SLC24A2: variants seen among roughly 807,000 people sequenced by gnomAD.
SLC24A2 encodes solute carrier family 24 member 2.
A neutral mutation model predicts 62.0 loss-of-function variants in SLC24A2; 36 were observed. The observed-to-expected ratio is 0.58, with a 90% CI of 0.44 to 0.77. The LOEUF is 0.77. SLC24A2 is among the 30% of genes least tolerant of loss of function. The probability of loss-of-function intolerance (pLI) is 0.00; values close to 1 mark genes in which losing one functional copy is unlikely to be tolerated. For missense variants in SLC24A2, 846 were observed against 817.9 expected (o/e 1.03, Z -0.42); for synonymous variants, 358 against 294.0 (o/e 1.22, Z -2.23).
chr9:20,096,391 C>G, the SLC24A2 span, among the ~76,000 whole-genome samples: 1 of 152,128 alleles, frequency 6.6e-6, no homozygotes, highest in Non-Finnish European at 1.5e-5. Flanking sequence ...TATAGGGACA[C>G]TAATTATCCA....
At chr9:20,204,675 T>C in the SLC24A2 span, among the ~76,000 whole-genome samples, 1 of 151,302 alleles carries the variant, frequency 6.6e-6, no homozygotes, top group Non-Finnish European at 1.5e-5. Flanking sequence ...ATACTTACAA[T>C]GAAACAAATA....
intron 4 of SLC24A2, among the ~76,000 whole-genome samples, chr9:19,601,412 T>C (rs148419913): frequency 6.6e-6 from 1 of 152,276 alleles, no homozygotes; most frequent in Non-Finnish European, 1.5e-5. Flanking sequence ...TCCCCTTCCT[T>C]GCTGTGGAAG....
chr9:19,925,292 G>T, the SLC24A2 span, among the ~76,000 whole-genome samples: 1 of 152,170 alleles, frequency 6.6e-6, no homozygotes, highest in Non-Finnish European at 1.5e-5. Context: ...CTGCTGCTTA[G>T]ATCTACAAAT....
the SLC24A2 span, among the ~76,000 whole-genome samples, chr9:20,258,847 A>AATG: frequency 0.13 from 18,846 of 141,594 alleles, 1,469 homozygotes; most frequent in South Asian, 0.17. Flanking sequence ...CTATCTATCT[A>AATG]TCTATCTAAT....
chr9:20,213,880 G>C, the SLC24A2 span, among the ~76,000 whole-genome samples: 1 of 152,162 alleles, frequency 6.6e-6, no homozygotes, highest in Non-Finnish European at 1.5e-5. Flanking sequence ...TGTAAGATAG[G>C]TATTATGATC....
Position 19,510,459 on chromosome 9 carries a change from A to G in SLC24A2, c.*5694T>C, listed in dbSNP as rs1321638660. 1 of 138,352 alleles carries G rather than the reference A, an allele frequency of 7.2e-6. No individual in the cohort carries two copies. Among genetic ancestry groups the G allele is most frequent in the African/African-American group, 2.7e-5 (1 of 36,578 alleles). 8.6% of individuals were successfully genotyped at this position (138,352 alleles called of 1,614,324 possible). A position where few individuals can be genotyped will look rare whatever the true frequency, so the allele number is the denominator to read the frequency against. On this transcript the variant is annotated 3_prime_UTR_variant, in exon 11 of 11. Coordinates refer to ENST00000341998, the MANE Select transcript of SLC24A2 (RefSeq NM_020344.4). ...CCAAAAAAAAAAAAAAAAAAAAAAA[A>G]AGTTAAGTCATTAAGTGGATGGGTT...
At chr9:19,577,092 T>G in intron 5 of SLC24A2, 70 bp from the exon 6 acceptor site, 1 of 1,205,658 alleles carries the variant, frequency 8.3e-7, no homozygotes, top group Non-Finnish European at 1.2e-6. Flanking sequence ...CAAGCAGGTA[T>G]GTGGCCTCCT....
chr9:19,698,845 C>G (rs1359985884), intron 2 of SLC24A2, among the ~76,000 whole-genome samples: 2 of 152,204 alleles, frequency 1.3e-5, no homozygotes, highest in Non-Finnish European at 2.9e-5. Context: ...TACCACTGCT[C>G]TAGCACTTTG....
chr9:20,260,568 T>C, the SLC24A2 span, among the ~76,000 whole-genome samples: 1 of 152,230 alleles, frequency 6.6e-6, no homozygotes, highest in African/African-American at 2.4e-5. Flanking sequence ...ATTAAAACAC[T>C]GTCTTAGTTC....
chr9:20,200,944 T>A, the SLC24A2 span, among the ~76,000 whole-genome samples: 6 of 152,322 alleles, frequency 3.9e-5, no homozygotes, highest in East Asian at 9.6e-4. Flanking sequence ...TTGAGAACAG[T>A]TCTCTAAAAC....
the SLC24A2 span, among the ~76,000 whole-genome samples, chr9:19,844,208 G>A: frequency 3.3e-5 from 5 of 152,058 alleles, no homozygotes; most frequent in Admixed American, 3.3e-4. Context: ...ACTTTTTAAC[G>A]ATAGCCATTC....
chr9:19,915,725 C>T, the SLC24A2 span, among the ~76,000 whole-genome samples: 1 of 152,086 alleles, frequency 6.6e-6, no homozygotes, highest in Non-Finnish European at 1.5e-5. Context: ...CAGCCATTTG[C>T]ATATCTTCTT....
chr9:19,650,722 G>GCA (rs36051382), intron 2 of SLC24A2, among the ~76,000 whole-genome samples: 25 of 151,150 alleles, frequency 1.7e-4, no homozygotes, highest in Non-Finnish European at 3.0e-4. Flanking sequence ...CATGGCACGC[G>GCA]CACACACACA....
At chr9:20,273,009 G>A in the SLC24A2 span, among the ~76,000 whole-genome samples, 3 of 152,174 alleles carry the variant, frequency 2.0e-5, no homozygotes, top group Non-Finnish European at 2.9e-5. Flanking sequence ...CCCACATCCT[G>A]GCTGCCAGGG....
chr9:20,212,247 AATTTATAACAAAG>A, the SLC24A2 span, among the ~76,000 whole-genome samples: 3 of 151,996 alleles, frequency 2.0e-5, no homozygotes, highest in Admixed American at 6.5e-5. Context: ...TAAGTGGTTC[AATTTATAACAAAG>A]ATGTGAGTTA....
the SLC24A2 span, among the ~76,000 whole-genome samples, chr9:20,058,554 G>C: frequency 1.3e-5 from 2 of 151,396 alleles, no homozygotes; most frequent in Admixed American, 6.6e-5. Flanking sequence ...TTTTTCTACA[G>C]TGGAGCATAA....
the SLC24A2 span, among the ~76,000 whole-genome samples, chr9:20,067,625 G>C: frequency 1.3e-5 from 2 of 152,046 alleles, no homozygotes; most frequent in Admixed American, 1.3e-4. Flanking sequence ...TTGTAAGTGA[G>C]AACATGCAGT....
the SLC24A2 span, among the ~76,000 whole-genome samples, chr9:20,262,923 A>G: frequency 6.6e-6 from 1 of 152,114 alleles, no homozygotes; most frequent in Non-Finnish European, 1.5e-5. Flanking sequence ...AACAGGAACC[A>G]TGGTGTTTTA....
intron 2 of SLC24A2, among the ~76,000 whole-genome samples, chr9:19,712,283 T>A (rs1384082674): frequency 1.3e-5 from 2 of 152,232 alleles, no homozygotes; most frequent in Non-Finnish European, 2.9e-5. Flanking sequence ...CAAAGAGCCA[T>A]GAGTCTAGTA....
Sources: gnomAD v4.1 joint callset for allele counts (sites outside exome capture counted in the v4.1 genomes callset) on GRCh38, gnomAD v4.1.1 for gene constraint, MANE v1.5 for transcripts, NCBI Gene and HGNC (gene_info 2026-07-23, HGNC 2026-07-21) for gene names.